Variants in YBX1 observed in about 807,000 individuals in gnomAD.
YBX1 encodes Y-box binding protein 1.
Under a neutral mutation model 41.4 loss-of-function variants are expected in YBX1, and 3 were observed. The observed-to-expected ratio is 0.07, with a 90% confidence interval of 0.03 to 0.19. YBX1 has a LOEUF of 0.19. Ranked by LOEUF, YBX1 falls within the 10% of genes least tolerant of loss-of-function variation. The pLI, the probability that YBX1 is intolerant of heterozygous loss-of-function variation, is 1.00. For missense variants in YBX1, 274 were observed against 462.8 expected (o/e 0.59, Z 3.74); for synonymous variants, 133 against 165.8 (o/e 0.80, Z 1.52).
intron 2 of YBX1, 93 bp downstream of exon 2, chr1:42,683,559 C>G: frequency 2.8e-6 from 4 of 1,453,970 alleles, no homozygotes; most frequent in Non-Finnish European, 2.9e-6. Flanking sequence ...CAATCCACAG[C>G]TCTGTTCTGA....
intron 3 of YBX1, among the ~76,000 whole-genome samples, chr1:42,695,251 T>A (rs1235176711): frequency 3.9e-5 from 6 of 152,322 alleles, no homozygotes; most frequent in Non-Finnish European, 7.4e-5. Flanking sequence ...TGGCCTCAGA[T>A]TCGTTGATTG....
chr1:42,689,706 G>A (rs539457034), intron 2 of YBX1, among the ~76,000 whole-genome samples: 116 of 152,226 alleles, frequency 7.6e-4, no homozygotes, highest in Non-Finnish European at 1.3e-3. Context: ...AGTTCCTGTG[G>A]CATGGAGAAT....
chr1:42,684,160 G>T (rs1283735446), intron 2 of YBX1, among the ~76,000 whole-genome samples: 1 of 152,190 alleles, frequency 6.6e-6, no homozygotes, highest in Non-Finnish European at 1.5e-5. Flanking sequence ...TATTAGAGTG[G>T]CCATAGTCAC....
At chr1:42,697,007 A>G in intron 5 of YBX1, 63 bp downstream of exon 5, 1 of 1,490,436 alleles carries the variant, frequency 6.7e-7, no homozygotes, top group Non-Finnish European at 8.9e-7. Flanking sequence ...AGAGCTGTTA[A>G]TTATATGGAA....
intron 2 of YBX1, among the ~76,000 whole-genome samples, chr1:42,687,560 G>T (rs1392104119): frequency 6.6e-6 from 1 of 152,104 alleles, no homozygotes; most frequent in East Asian, 1.9e-4. Flanking sequence ...GGGATTACAG[G>T]TGTGAGCCAC....
At chr1:42,683,547 C>T in intron 2 of YBX1, 81 bp downstream of exon 2, 2 of 1,516,042 alleles carry the variant, frequency 1.3e-6, no homozygotes, top group Non-Finnish European at 1.8e-6. Flanking sequence ...CTTGGGAAGC[C>T]CCAATCCACA....
intron 2 of YBX1, among the ~76,000 whole-genome samples, chr1:42,688,606 G>T (rs1650256040): frequency 6.6e-6 from 1 of 152,154 alleles, no homozygotes. Context: ...TATCTCTCCA[G>T]TAAATTGCAT....
intron 7 of YBX1, among the ~76,000 whole-genome samples, chr1:42,701,636 C>T (rs1354826003): frequency 1.3e-5 from 2 of 151,878 alleles, no homozygotes; most frequent in African/African-American, 2.4e-5. Context: ...TTTAAACTGC[C>T]TGTAGATTAA....
Position 42,702,491 on chromosome 1 carries a change from T to C in YBX1, c.*542T>C, listed in dbSNP as rs1372998033. On this transcript the variant is annotated 3_prime_UTR_variant, in exon 8 of 8. Coordinates refer to ENST00000321358, the MANE Select transcript of YBX1 (RefSeq NM_004559.5). ...TAAAATGTCTCAAAATCTCTAATCCTTTAAGTGGCATGCCTGTGGGCCCAT... is the reference window on the plus strand; with the variant it reads ...TAAAATGTCTCAAAATCTCTAATCCCTTAAGTGGCATGCCTGTGGGCCCAT... 9 of 152,472 alleles carry C rather than the reference T, an allele frequency of 5.9e-5. No homozygotes were observed. The highest frequency in any genetic ancestry group is 5.9e-4 in the Admixed American group (9 of 15,288). 9.4% of individuals were successfully genotyped at this position (152,472 alleles called of 1,614,324 possible). A position where few individuals can be genotyped will look rare whatever the true frequency, so the allele number is the denominator to read the frequency against.
intron 6 of YBX1, 52 bp from the exon 7 acceptor site, chr1:42,700,729 T>C: frequency 1.4e-6 from 2 of 1,473,804 alleles, no homozygotes; most frequent in Non-Finnish European, 1.8e-6. Flanking sequence ...CTGGTGGGTG[T>C]GTTGAAGAGA....
At chr1:42,688,841 G>A (rs1422097619) in intron 2 of YBX1, among the ~76,000 whole-genome samples, 1 of 152,204 alleles carries the variant, frequency 6.6e-6, no homozygotes, top group African/African-American at 2.4e-5. Flanking sequence ...GTGCAGTACT[G>A]TACATGTATT....
chr1:42,696,522 C>CCCG lies in YBX1; in HGVS notation c.355-120_355-119insCCG. On this transcript the variant is annotated intron_variant, in intron 4 of 7. Coordinates refer to ENST00000321358, the MANE Select transcript of YBX1 (RefSeq NM_004559.5). The surrounding 1 kb of genome is among the most constrained non-coding windows in gnomAD (Gnocchi z 5.7). The stretch of plus-strand genomic sequence containing the variant: ...GGTCACGCAGTTGCGCCCCCCCCCC[C>CCCG]TTTTTTTTCCTTAACTTTGTTGTTT... The CCCG allele has an allele frequency of 3.1e-6, 2 of 637,568 alleles. No individual in the cohort carries two copies. The highest frequency in any genetic ancestry group is 4.8e-6 in the Non-Finnish European group (2 of 420,684). 39.5% of individuals were successfully genotyped at this position (637,568 alleles called of 1,614,324 possible).
chr1:42,693,098 A>T (rs1450701717), intron 2 of YBX1, among the ~76,000 whole-genome samples: 1 of 152,134 alleles, frequency 6.6e-6, no homozygotes, highest in Non-Finnish European at 1.5e-5. Flanking sequence ...TGGGAGATGC[A>T]GGATAAGGTG....
At chr1:42,688,013 G>C (rs1650240355) in intron 2 of YBX1, among the ~76,000 whole-genome samples, 1 of 152,162 alleles carries the variant, frequency 6.6e-6, no homozygotes, top group African/African-American at 2.4e-5. Context: ...CATTAGGAGA[G>C]ATTTGTATGC....
Position 42,703,185 on chromosome 1 carries a change from A to G in YBX1, c.*1236A>G, listed in dbSNP as rs1269021870. On this transcript the variant is annotated 3_prime_UTR_variant, in exon 8 of 8. Transcript: ENST00000321358. ...GTGATCCGCCCGCCTCAGCCTCCCA[A>G]AGTGCTGGGATTACAGGTGTGAGCC... is the stretch of plus-strand genomic sequence containing the variant. Among the ~76,000 whole-genome samples, 1 of 151,954 alleles carries G rather than the reference A, an allele frequency of 6.6e-6. No individual in the cohort carries two copies. Among genetic ancestry groups the G allele is most frequent in the Non-Finnish European group, 1.5e-5 (1 of 67,966 alleles).
At chr1:42,688,550 C>T (rs552003813) in intron 2 of YBX1, among the ~76,000 whole-genome samples, 3 of 152,300 alleles carry the variant, frequency 2.0e-5, no homozygotes, top group African/African-American at 7.2e-5. Context: ...CTGCAGTGAG[C>T]CCCTTAAAAT....
Position 42,696,327 on chromosome 1 carries a change from G to A in YBX1, c.354+39G>A. ...TTGTGTAAAGGTTTGACTTCAGTAT[G>A]GAAATATTTTGGAGGTCTCATCCAT... is the stretch of plus-strand genomic sequence containing the variant. On this transcript the variant is annotated intron_variant, in intron 4 of 7. Coordinates refer to ENST00000321358, the MANE Select transcript of YBX1 (RefSeq NM_004559.5). The surrounding 1 kb of genome is among the most constrained non-coding windows in gnomAD (Gnocchi z 5.7). 1.9e-6 allele frequency: 3 copies of A among 1,600,964 alleles called. No homozygotes were observed. The highest frequency in any genetic ancestry group is 2.6e-6 in the Non-Finnish European group (3 of 1,171,386).
In YBX1 at chr1:42,682,580, C is replaced by T. The variant is rs1027640161; in HGVS notation, c.15C>T (p.Ala5=). 1.5e-4 allele frequency: 214 copies of T among 1,460,180 alleles called. No homozygotes were observed. Among genetic ancestry groups the T allele is most frequent in the Non-Finnish European group, 1.9e-4 (208 of 1,110,700 alleles). 90.5% of individuals were successfully genotyped at this position (1,460,180 alleles called of 1,614,324 possible). A position where few individuals can be genotyped will look rare whatever the true frequency, so the allele number is the denominator to read the frequency against. ...TCACCGCAACCATGAGCAGCGAGGCCGAGACCCAGCAGCCGCCCGCCGCCC... is the reference window on the plus strand; with the variant it reads ...TCACCGCAACCATGAGCAGCGAGGCTGAGACCCAGCAGCCGCCCGCCGCCC... MSSE[A]ETQQPPAAPP... The change falls in exon 1 of 8, where the codon GCC becomes GCT. Residue 5 remains alanine (A), a synonymous_variant. Transcript: ENST00000321358.
rs923447560 is a variant in YBX1, at chr1:42,703,171, G to A, written c.*1222G>A. ...GATCTCTTGACCTTGTGATCCGCCC[G>A]CCTCAGCCTCCCAAAGTGCTGGGAT... On this transcript the variant is annotated 3_prime_UTR_variant, in exon 8 of 8. Transcript: ENST00000321358. Among the ~76,000 whole-genome samples, 7 of 152,182 alleles carry A rather than the reference G, an allele frequency of 4.6e-5. No individual in the cohort carries two copies. Among genetic ancestry groups the A allele is most frequent in the Non-Finnish European group, 7.4e-5 (5 of 67,994 alleles).
Sources: gnomAD v4.1 joint callset for allele counts (sites outside exome capture counted in the v4.1 genomes callset) on GRCh38, gnomAD v4.1.1 for gene constraint, Gnocchi (gnomAD v3.1) non-coding constraint, MANE v1.5 for transcripts, NCBI Gene and HGNC (gene_info 2026-07-23, HGNC 2026-07-21) for gene names.